CLVS2: variants seen among roughly 807,000 people sequenced by gnomAD.
CLVS2 encodes clavesin-2.
Under a neutral mutation model 29.0 loss-of-function variants are expected in CLVS2, and 19 were observed. That is an observed-to-expected ratio of 0.66 (90% CI 0.46 to 0.96). The LOEUF is 0.96. Ranked by LOEUF, CLVS2 falls within the 40% of genes least tolerant of loss-of-function variation. CLVS2 has a pLI of 0.00. For synonymous variants in CLVS2, 161 were observed against 151.3 expected (o/e 1.06, Z -0.47); for missense variants, 294 against 404.1 (o/e 0.73, Z 2.34).
intron 5 of CLVS2, 44 bp downstream of exon 5, chr6:123,056,070 G>A: frequency 1.5e-6 from 2 of 1,342,530 alleles, no homozygotes; most frequent in Non-Finnish European, 2.1e-6. Flanking sequence ...CCAGGGCAGG[G>A]AGAGGCATCC....
At chr6:123,046,869 A>G (rs1187919503) in intron 3 of CLVS2, among the ~76,000 whole-genome samples, 1 of 152,128 alleles carries the variant, frequency 6.6e-6, no homozygotes, top group Non-Finnish European at 1.5e-5. Context: ...AGAATGTGAG[A>G]CAAATCCTTC....
At chr6:123,040,336 C>G (rs1033063204) in intron 3 of CLVS2, among the ~76,000 whole-genome samples, 2 of 152,034 alleles carry the variant, frequency 1.3e-5, no homozygotes, top group African/African-American at 4.8e-5. Context: ...AGCGGGGATA[C>G]CTTTGCTGTT....
intron 3 of CLVS2, among the ~76,000 whole-genome samples, chr6:123,018,377 C>G (rs1431873780): frequency 6.6e-6 from 1 of 152,044 alleles, no homozygotes; most frequent in Admixed American, 6.6e-5. Flanking sequence ...AACACTAGGA[C>G]TCAATGGCAT....
chr6:123,019,903 C>G (rs1774895998), intron 3 of CLVS2, among the ~76,000 whole-genome samples: 1 of 151,942 alleles, frequency 6.6e-6, no homozygotes, highest in African/African-American at 2.4e-5. Context: ...AGTTCAAGTT[C>G]AAAGGCAGGA....
At chr6:123,044,575 A>G (rs1164319578) in intron 3 of CLVS2, among the ~76,000 whole-genome samples, 1 of 152,072 alleles carries the variant, frequency 6.6e-6, no homozygotes, top group Non-Finnish European at 1.5e-5. Context: ...ATTCTTGTGA[A>G]GCTTTGATTA....
intron 5 of CLVS2, among the ~76,000 whole-genome samples, chr6:123,059,495 G>T (rs899034301): frequency 7.2e-5 from 11 of 152,280 alleles, no homozygotes; most frequent in Admixed American, 2.0e-4. Context: ...GGAGTGCTCT[G>T]CTGCCCATCA....
intron 4 of CLVS2, 86 bp from the exon 5 acceptor site, chr6:123,055,720 C>A (rs750524609): frequency 1.1e-6 from 1 of 932,538 alleles, no homozygotes; most frequent in Non-Finnish European, 1.7e-6. Flanking sequence ...TTTGCTATTG[C>A]TATCCTCACA....
rs761235283 is a variant in CLVS2, at chr6:123,068,732, C to G, written c.*4971C>G. ...TTTACTCAAATGTTATTAATTTTTA[C>G]TACTACAAACTACTTATTTAGTACT... On this transcript the variant is annotated 3_prime_UTR_variant, in exon 6 of 6. Coordinates refer to ENST00000275162, the MANE Select transcript of CLVS2 (RefSeq NM_001010852.4). 1 of 151,646 alleles carries G rather than the reference C, an allele frequency of 6.6e-6. No individual in the cohort carries two copies. Among genetic ancestry groups the G allele is most frequent in the Non-Finnish European group, 1.5e-5 (1 of 67,710 alleles). 9.4% of individuals were successfully genotyped at this position (151,646 alleles called of 1,614,324 possible). A position where few individuals can be genotyped will look rare whatever the true frequency, so the allele number is the denominator to read the frequency against.
At chr6:123,006,164 C>T (rs573520450) in intron 2 of CLVS2, among the ~76,000 whole-genome samples, 14 of 152,236 alleles carry the variant, frequency 9.2e-5, no homozygotes, top group African/African-American at 2.6e-4. Flanking sequence ...AAGCTGGTGG[C>T]GGGCCCAGAG....
intron 4 of CLVS2, among the ~76,000 whole-genome samples, chr6:123,050,023 C>T (rs1772581537): frequency 6.6e-6 from 1 of 152,152 alleles, no homozygotes; most frequent in South Asian, 2.1e-4. Context: ...TGAATTTGCG[C>T]TCCTGAAAAT....
chr6:123,059,169 A>T (rs983187511), intron 5 of CLVS2, among the ~76,000 whole-genome samples: 1 of 152,006 alleles, frequency 6.6e-6, no homozygotes, highest in East Asian at 1.9e-4. Context: ...TCATCTTCAA[A>T]TGGGTGGTCC....
intron 3 of CLVS2, among the ~76,000 whole-genome samples, chr6:123,028,769 T>C (rs1775039027): frequency 1.3e-5 from 2 of 152,332 alleles, no homozygotes; most frequent in African/African-American, 4.8e-5. Flanking sequence ...TTTCTCCAAA[T>C]GTTTGTGACC....
At chr6:123,059,229 C>G (rs1772740742) in intron 5 of CLVS2, among the ~76,000 whole-genome samples, 1 of 152,182 alleles carries the variant, frequency 6.6e-6, no homozygotes, top group Admixed American at 6.5e-5. Flanking sequence ...TGTCACCCAC[C>G]TGGTCTTAGT....
chr6:123,001,893 G>A (rs1471138688), intron 2 of CLVS2, among the ~76,000 whole-genome samples: 2 of 152,196 alleles, frequency 1.3e-5, no homozygotes, highest in East Asian at 3.8e-4. Flanking sequence ...ATATTCATGA[G>A]TGAAATTGTG....
At chr6:123,018,672 T>G (rs1372224771) in intron 3 of CLVS2, among the ~76,000 whole-genome samples, 3 of 135,224 alleles carry the variant, frequency 2.2e-5, no homozygotes, top group Non-Finnish European at 4.8e-5. Context: ...GAATAGCTTT[T>G]TTTTTTTTTT....
At chr6:123,052,783 G>T (rs973305954) in intron 4 of CLVS2, among the ~76,000 whole-genome samples, 1 of 134,278 alleles carries the variant, frequency 7.4e-6, no homozygotes, top group Non-Finnish European at 1.6e-5. Flanking sequence ...GCATATTTGA[G>T]GTGGGGGAAG....
At chr6:123,009,239 G>GT (rs1774715757) in intron 2 of CLVS2, among the ~76,000 whole-genome samples, 1 of 152,038 alleles carries the variant, frequency 6.6e-6, no homozygotes, top group African/African-American at 2.4e-5. Context: ...GATAGGGACA[G>GT]TTAACTGATC....
At position 123,068,525 on chromosome 6, in the gene CLVS2, C is replaced by A. The variant is rs1428921694; in HGVS notation, c.*4764C>A. The A allele has an allele frequency of 6.6e-6, 1 of 151,602 alleles. No individual in the cohort carries two copies. Among genetic ancestry groups the A allele is most frequent in the Non-Finnish European group, 1.5e-5 (1 of 67,690 alleles). 9.4% of individuals were successfully genotyped at this position (151,602 alleles called of 1,614,324 possible). On this transcript the variant is annotated 3_prime_UTR_variant, in exon 6 of 6. Coordinates refer to ENST00000275162, the MANE Select transcript of CLVS2 (RefSeq NM_001010852.4). ...AATTCATTTACTTTTAACAGAGATACAAAGCACTGTCTTGTTTCTAATCCA... is the reference window on the plus strand; with the variant it reads ...AATTCATTTACTTTTAACAGAGATAAAAAGCACTGTCTTGTTTCTAATCCA...
At chr6:123,029,820 C>T (rs1173854082) in intron 3 of CLVS2, among the ~76,000 whole-genome samples, 3 of 152,124 alleles carry the variant, frequency 2.0e-5, no homozygotes, top group Admixed American at 2.0e-4. Context: ...AGTATGTCAG[C>T]AGCCATATTT....
Sources: allele counts gnomAD v4.1 joint callset (sites outside exome capture counted in the v4.1 genomes callset), GRCh38; gene constraint gnomAD v4.1.1; transcripts MANE v1.5; gene names NCBI Gene and HGNC (gene_info 2026-07-23, HGNC 2026-07-21).